The following TNR variants were observed in gnomAD, a reference collection of about 807,000 sequenced individuals.
TNR encodes the protein tenascin-R.
In TNR, 45 loss-of-function variants were observed where a neutral mutation model predicts 150.4. That is an observed-to-expected ratio of 0.30 (90% CI 0.24 to 0.38). TNR has a LOEUF of 0.38. TNR is among the 10% of genes least tolerant of loss of function. TNR has a pLI of 1.00. For missense variants in TNR, 1,544 were observed against 1,759.1 expected (o/e 0.88, Z 2.19); for synonymous variants, 687 against 678.4 (o/e 1.01, Z -0.20).
At chr1:175,719,665 G>C (rs1299820581) in intron 1 of TNR, among the ~76,000 whole-genome samples, 3 of 152,208 alleles carry the variant, frequency 2.0e-5, no homozygotes, top group Admixed American at 2.0e-4. Flanking sequence ...TCACAGTCTT[G>C]CAGGAAAGAT....
intron 1 of TNR, among the ~76,000 whole-genome samples, chr1:175,641,188 T>C (rs957912500): frequency 6.6e-6 from 1 of 152,186 alleles, no homozygotes; most frequent in Non-Finnish European, 1.5e-5. Flanking sequence ...AAAATGAGGT[T>C]AATACATAAA....
intron 2 of TNR, among the ~76,000 whole-genome samples, chr1:175,469,098 G>A (rs564864689): frequency 6.6e-5 from 10 of 152,130 alleles, no homozygotes; most frequent in Admixed American, 6.5e-4. Flanking sequence ...GGAGCATTTG[G>A]TGAGGAAGAC....
intron 2 of TNR, among the ~76,000 whole-genome samples, chr1:175,450,159 C>T (rs1317671368): frequency 6.6e-6 from 1 of 152,218 alleles, no homozygotes; most frequent in Non-Finnish European, 1.5e-5. Flanking sequence ...AGTTCCAACA[C>T]TCCACCGATA....
chr1:175,456,407 T>C (rs1479249581), intron 2 of TNR, among the ~76,000 whole-genome samples: 1 of 152,260 alleles, frequency 6.6e-6, no homozygotes, highest in African/African-American at 2.4e-5. Context: ...TTAATATTTT[T>C]GTGTCCCGTC....
At position 175,734,825 on chromosome 1, in the gene TNR, T is replaced by G. The variant is rs150704937; in HGVS notation, c.-165+8401A>C. 9.0e-3 allele frequency among the ~76,000 whole-genome samples: 1,366 copies of G among 152,338 alleles called. 22 individuals carry two copies. The highest frequency in any genetic ancestry group is 0.03 in the African/African-American group (1,227 of 41,586). On this transcript the variant is annotated intron_variant, in intron 1 of 22. Transcript: ENST00000367674. Reference sequence around the variant, plus strand: ...ACCTCTGTCCCTCCCACCCCATGGCTGGCTCCAGAGCAAGGCAGCTGGGCT... The same window carrying G: ...ACCTCTGTCCCTCCCACCCCATGGCGGGCTCCAGAGCAAGGCAGCTGGGCT...
intron 1 of TNR, among the ~76,000 whole-genome samples, chr1:175,650,581 C>T (rs576515373): frequency 5.2e-4 from 78 of 151,436 alleles, no homozygotes; most frequent in African/African-American, 1.6e-3. Flanking sequence ...CTACTCTTGC[C>T]CCCACAAGAT....
At chr1:175,551,621 T>C (rs1460082415) in intron 1 of TNR, among the ~76,000 whole-genome samples, 1 of 152,196 alleles carries the variant, frequency 6.6e-6, no homozygotes, top group East Asian at 1.9e-4. Context: ...CTATTTGTTT[T>C]CAATATGGTT....
At chr1:175,356,209 T>C (rs1286867038) in intron 16 of TNR, 110 bp downstream of exon 16, 1 of 1,444,386 alleles carries the variant, frequency 6.9e-7, no homozygotes, top group East Asian at 2.3e-5. Flanking sequence ...GAACAGCTCA[T>C]AGCTGCCCTG....
At chr1:175,419,320 T>C (rs1301313049) in intron 2 of TNR, among the ~76,000 whole-genome samples, 1 of 152,192 alleles carries the variant, frequency 6.6e-6, no homozygotes, top group Non-Finnish European at 1.5e-5. Flanking sequence ...GAATTGACCA[T>C]TTAGCTACAT....
chr1:175,657,865 A>G (rs1311798156), intron 1 of TNR, among the ~76,000 whole-genome samples: 8 of 120,284 alleles, frequency 6.7e-5, no homozygotes, highest in Admixed American at 4.2e-4. Flanking sequence ...ATATATATAT[A>G]TATATATATA....
chr1:175,544,903 G>A (rs1338789632), intron 1 of TNR, among the ~76,000 whole-genome samples: 3 of 152,218 alleles, frequency 2.0e-5, no homozygotes, highest in Admixed American at 1.3e-4. Flanking sequence ...GAGCAAAGGT[G>A]ATAGACACTA....
At chr1:175,465,828 C>G (rs859373) in intron 2 of TNR, among the ~76,000 whole-genome samples, 10,154 of 152,236 alleles carry the variant, frequency 0.067, 736 homozygotes, top group African/African-American at 0.18. Flanking sequence ...GTCCCTCAAG[C>G]CCCCCTCCTC....
At chr1:175,323,623 T>C (rs903609975) in intron 22 of TNR, 147 bp from the exon 23 acceptor site, 4 of 1,178,024 alleles carry the variant, frequency 3.4e-6, no homozygotes, top group Non-Finnish European at 4.7e-6. Flanking sequence ...GAGTTCCCAA[T>C]AAAGTGAAAG....
At chr1:175,620,175 T>A (rs1663920822) in intron 1 of TNR, among the ~76,000 whole-genome samples, 1 of 152,222 alleles carries the variant, frequency 6.6e-6, no homozygotes, top group South Asian at 2.1e-4. Context: ...GGCACAGAAC[T>A]CTTTCTCCCT....
chr1:175,430,031 A>G (rs1390968289), intron 2 of TNR, among the ~76,000 whole-genome samples: 2 of 150,228 alleles, frequency 1.3e-5, no homozygotes, highest in African/African-American at 2.4e-5. Context: ...TTTTATATCT[A>G]TTATATAATA....
chr1:175,380,315 T>C (rs559312671), intron 8 of TNR, among the ~76,000 whole-genome samples: 1 of 147,032 alleles, frequency 6.8e-6, no homozygotes, highest in East Asian at 2.0e-4. Flanking sequence ...AATGGAACCA[T>C]GAGCAAGTCT....
At chr1:175,610,701 C>T (rs541713120) in intron 1 of TNR, among the ~76,000 whole-genome samples, 51 of 152,310 alleles carry the variant, frequency 3.3e-4, no homozygotes, top group Non-Finnish European at 5.0e-4. Context: ...TTATGGTCAC[C>T]GCAGTCCCAC....
intron 1 of TNR, among the ~76,000 whole-genome samples, chr1:175,651,368 G>T (rs919030532): frequency 6.6e-6 from 1 of 152,012 alleles, no homozygotes; most frequent in African/African-American, 2.4e-5. Flanking sequence ...GGGGAGGGAA[G>T]GGATGAGTGG....
intron 1 of TNR, among the ~76,000 whole-genome samples, chr1:175,664,839 G>A (rs901168531): frequency 5.9e-5 from 9 of 152,198 alleles, no homozygotes; most frequent in African/African-American, 2.2e-4. Flanking sequence ...GGGGCTGTTA[G>A]GAAACATGCT....
Sources: allele counts gnomAD v4.1 joint callset (sites outside exome capture counted in the v4.1 genomes callset), GRCh38; gene constraint gnomAD v4.1.1; transcripts MANE v1.5; gene names NCBI Gene and HGNC (gene_info 2026-07-23, HGNC 2026-07-21).